PTPRC: variants seen among roughly 807,000 people sequenced by gnomAD.
PTPRC encodes the protein receptor-type tyrosine-protein phosphatase C.
A neutral mutation model predicts 155.9 loss-of-function variants in PTPRC; 44 were observed. The ratio of observed to expected loss-of-function variants is 0.28; its 90% confidence interval spans 0.22 to 0.36. The LOEUF is 0.36. PTPRC is among the 10% of genes least tolerant of loss of function. The probability of loss-of-function intolerance (pLI) is 1.00; values close to 1 mark genes in which losing one functional copy is unlikely to be tolerated. For missense variants in PTPRC, 1,401 were observed against 1,564.6 expected (o/e 0.90, Z 1.76); for synonymous variants, 525 against 533.1 (o/e 0.98, Z 0.21).
chr1:198,729,212 G>A (rs756761556), intron 17 of PTPRC, 41 bp downstream of exon 17: 3 of 1,567,794 alleles, frequency 1.9e-6, no homozygotes, highest in Non-Finnish European at 2.6e-6. Context: ...TCCTTCCCCT[G>A]CATTTGAATC....
chr1:198,696,907 C>G lies in PTPRC; in HGVS notation c.296C>G (p.Thr99Arg), dbSNP rs1666232745. ...SLDNASAFNT[T>R]GVSSVQTPHL... ...GATAATGCTAGTGCTTTTAATACCACAGGTTGGCACACAAAAGTTGTTAAC... is the reference window on the plus strand; with the variant it reads ...GATAATGCTAGTGCTTTTAATACCAGAGGTTGGCACACAAAAGTTGTTAAC... The change falls in exon 4 of 33, where the codon ACA becomes AGA. Residue 99 changes from threonine to arginine, a missense_variant and splice_region_variant. Thr to Arg is a moderately conservative substitution (Grantham distance 71). Transcript: ENST00000442510. 1 of 1,611,798 alleles carries G rather than the reference C, an allele frequency of 6.2e-7. No homozygotes were observed. Among genetic ancestry groups the G allele is most frequent in the Non-Finnish European group, 8.5e-7 (1 of 1,177,834 alleles).
chr1:198,650,675 G>A (rs1223784771), intron 2 of PTPRC, among the ~76,000 whole-genome samples: 1 of 151,798 alleles, frequency 6.6e-6, no homozygotes. Context: ...CTCAACTGGA[G>A]ACATAAACAT....
At chr1:198,697,217 G>A (rs183940990) in intron 4 of PTPRC, among the ~76,000 whole-genome samples, 16 of 152,168 alleles carry the variant, frequency 1.1e-4, no homozygotes, top group African/African-American at 3.6e-4. Context: ...TTGGCTTCCC[G>A]CCACCTGGAC....
At chr1:198,670,385 A>T (rs918694858) in intron 2 of PTPRC, among the ~76,000 whole-genome samples, 4 of 152,188 alleles carry the variant, frequency 2.6e-5, no homozygotes, top group African/African-American at 9.6e-5. Context: ...AAGATTTGTG[A>T]TAAAACAAGA....
chr1:198,662,028 G>C (rs369667134), intron 2 of PTPRC, among the ~76,000 whole-genome samples: 1 of 152,126 alleles, frequency 6.6e-6, no homozygotes, highest in Non-Finnish European at 1.5e-5. Context: ...TCTTCCAAAC[G>C]ATGGTGATTA....
chr1:198,753,324 TTTTA>T (rs1201444509), intron 31 of PTPRC, among the ~76,000 whole-genome samples: 3 of 152,196 alleles, frequency 2.0e-5, no homozygotes, highest in Non-Finnish European at 4.4e-5. Context: ...TACTACTAGA[TTTTA>T]TTAGTTTCTT....
At chr1:198,735,863 G>T (rs916200527) in intron 23 of PTPRC, among the ~76,000 whole-genome samples, 1 of 151,530 alleles carries the variant, frequency 6.6e-6, no homozygotes, top group African/African-American at 2.4e-5. Flanking sequence ...CAGAAATGGG[G>T]AGTGGCTGCA....
At chr1:198,663,644 T>G (rs1296989045) in intron 2 of PTPRC, among the ~76,000 whole-genome samples, 1 of 152,206 alleles carries the variant, frequency 6.6e-6, no homozygotes, top group Admixed American at 6.5e-5. Context: ...TTGTGATGGT[T>G]AAGATTGCAG....
At position 198,750,563 on chromosome 1, in the gene PTPRC, G is replaced by A; in HGVS notation, c.3144G>A (p.Gln1048=). ...PLKETIGDFW[Q]MIFQRKVKVI... is the part of the protein sequence containing the mutation. ...AGGAGACCATTGGTGACTTTTGGCA[G>A]ATGATCTTCCAAAGAAAAGTCAAAG... The change falls in exon 29 of 33, where the codon CAG becomes CAA. Residue 1048 remains glutamine (Q), a synonymous_variant. Transcript: ENST00000442510. The A allele has an allele frequency of 6.2e-7, 1 of 1,612,522 alleles. No individual in the cohort carries two copies. Among genetic ancestry groups the A allele is most frequent in the South Asian group, 1.1e-5 (1 of 91,060 alleles).
chr1:198,712,023 T>G (rs1393583016), intron 11 of PTPRC, among the ~76,000 whole-genome samples: 1 of 152,190 alleles, frequency 6.6e-6, no homozygotes, highest in Non-Finnish European at 1.5e-5. Context: ...CTCCAGGTAT[T>G]TACCAAAGAG....
chr1:198,673,506 A>G (rs1395248424), intron 2 of PTPRC, among the ~76,000 whole-genome samples: 1 of 152,198 alleles, frequency 6.6e-6, no homozygotes, highest in Non-Finnish European at 1.5e-5. Context: ...CGCATGATAC[A>G]TAATAAGTGC....
chr1:198,642,370 G>GTCTGTCTATCTA (rs1553229129), intron 2 of PTPRC, among the ~76,000 whole-genome samples: 3 of 150,442 alleles, frequency 2.0e-5, no homozygotes, highest in African/African-American at 4.9e-5. Flanking sequence ...CTATCTATCT[G>GTCTGTCTATCTA]TCTATCTATC....
intron 16 of PTPRC, 130 bp downstream of exon 16, chr1:198,728,578 T>A (rs1349050165): frequency 5.7e-6 from 6 of 1,045,950 alleles, no homozygotes; most frequent in Non-Finnish European, 8.0e-6. Flanking sequence ...ACAGCCCACT[T>A]CATGACACAA....
At chr1:198,689,935 G>A (rs1436171867) in intron 2 of PTPRC, among the ~76,000 whole-genome samples, 1 of 152,110 alleles carries the variant, frequency 6.6e-6, no homozygotes, top group African/African-American at 2.4e-5. Flanking sequence ...TCCAGGGCAA[G>A]GGTCATGCTT....
chr1:198,666,586 A>C (rs182050485), intron 2 of PTPRC, among the ~76,000 whole-genome samples: 22 of 152,350 alleles, frequency 1.4e-4, no homozygotes, highest in African/African-American at 4.6e-4. Flanking sequence ...AGCAGCCTTC[A>C]AATATGCGGA....
chr1:198,663,227 C>T (rs1998843), intron 2 of PTPRC, among the ~76,000 whole-genome samples: 53,660 of 152,054 alleles, frequency 0.35, 10,044 homozygotes, highest in East Asian at 0.68. Flanking sequence ...ACCTGCTTCC[C>T]TCTATTCCTT....
intron 15 of PTPRC, among the ~76,000 whole-genome samples, chr1:198,728,036 A>T (rs1342509207): frequency 6.6e-6 from 1 of 152,112 alleles, no homozygotes; most frequent in Non-Finnish European, 1.5e-5. Flanking sequence ...AGTGTCTGAT[A>T]AAAAAAGAGA....
intron 2 of PTPRC, among the ~76,000 whole-genome samples, chr1:198,665,080 A>ATT (rs574626185): frequency 0.01 from 622 of 59,576 alleles, 86 homozygotes; most frequent in Middle Eastern, 0.015. Flanking sequence ...TCCCGGCAGC[A>ATT]TTTTTTTTTT....
chr1:198,692,653 C>A, intron 3 of PTPRC: 1 of 970,800 alleles, frequency 1.0e-6, no homozygotes, highest in South Asian at 4.8e-5. Flanking sequence ...TTTCTACTCT[C>A]TTTTAATATT....
Sources: gnomAD v4.1 joint callset for allele counts (sites outside exome capture counted in the v4.1 genomes callset) on GRCh38, gnomAD v4.1.1 for gene constraint, MANE v1.5 for transcripts, NCBI Gene and HGNC (gene_info 2026-07-23, HGNC 2026-07-21) for gene names.